Variants in ZNF43 observed in about 807,000 individuals in gnomAD.
ZNF43 encodes zinc finger protein 43.
ZNF43 carries 44 observed loss-of-function variants against 68.4 expected under a neutral mutation model. The observed-to-expected ratio is 0.64, with a 90% confidence interval of 0.51 to 0.83. The LOEUF is 0.83. Ranked by LOEUF, ZNF43 falls within the 40% of genes least tolerant of loss-of-function variation. ZNF43 has a pLI of 0.00. For synonymous variants in ZNF43, 308 were observed against 307.8 expected (o/e 1.00, Z -0.01); for missense variants, 896 against 933.2 (o/e 0.96, Z 0.52).
intron 1 of ZNF43, among the ~76,000 whole-genome samples, chr19:21,848,863 C>T (rs886580481): frequency 7.2e-6 from 1 of 139,284 alleles, no homozygotes; most frequent in Non-Finnish European, 1.5e-5. Flanking sequence ...GCTGTGTTCG[C>T]TCTGGCCCTC....
chr19:21,839,331 C>CAAAA (rs61335194), upstream of ZNF43, among the ~76,000 whole-genome samples: 275 of 28,196 alleles, frequency 9.8e-3, 22 homozygotes, highest in African/African-American at 0.019. Flanking sequence ...AGAGATCAGG[C>CAAAA]AAAAAAAAAA....
intron 3 of ZNF43, among the ~76,000 whole-genome samples, chr19:21,814,203 T>C (rs1244244046): frequency 6.6e-6 from 1 of 152,022 alleles, no homozygotes; most frequent in East Asian, 1.9e-4. Flanking sequence ...GTTTCTCTCA[T>C]ACAAAGAAAA....
chr19:21,845,688 G>A (rs1967900368), intron 1 of ZNF43, among the ~76,000 whole-genome samples: 1 of 152,058 alleles, frequency 6.6e-6, no homozygotes, highest in Non-Finnish European at 1.5e-5. Context: ...AAGGTCGGGA[G>A]TTTGTGACCA....
intron 1 of ZNF43, among the ~76,000 whole-genome samples, chr19:21,824,170 G>A (rs535935522): frequency 3.3e-4 from 51 of 152,290 alleles, no homozygotes; most frequent in African/African-American, 1.2e-3. Context: ...CAGGGCGACA[G>A]TGAGACTCTG....
At chr19:21,825,003 A>C (rs539681171) in intron 1 of ZNF43, among the ~76,000 whole-genome samples, 1 of 152,312 alleles carries the variant, frequency 6.6e-6, no homozygotes, top group Non-Finnish European at 1.5e-5. Context: ...TGGGAGGCCA[A>C]GGCAGCTGGA....
At chr19:21,837,529 A>T (rs1186347738), upstream of ZNF43, among the ~76,000 whole-genome samples, 4 of 147,880 alleles carry the variant, frequency 2.7e-5, no homozygotes, top group Admixed American at 1.4e-4. Flanking sequence ...GGTTCAAGCG[A>T]TTCTCCTGAC....
chr19:21,849,342 G>A (rs927007456), intron 1 of ZNF43, among the ~76,000 whole-genome samples: 5 of 151,878 alleles, frequency 3.3e-5, no homozygotes, highest in Admixed American at 2.0e-4. Context: ...TACAAAATTA[G>A]CCAGGCGTAG....
At chr19:21,840,571 G>T (rs139300758), upstream of ZNF43, 42 of 152,258 alleles carry the variant, frequency 2.8e-4, no homozygotes, top group African/African-American at 7.2e-4. Flanking sequence ...ACCAGCCCAC[G>T]TGTGAACCGA....
chr19:21,838,567 T>C (rs1967282296), upstream of ZNF43, among the ~76,000 whole-genome samples: 2 of 151,950 alleles, frequency 1.3e-5, no homozygotes, highest in Admixed American at 1.3e-4. Flanking sequence ...ACCTGGCTAA[T>C]TTTTGTATTT....
intron 3 of ZNF43, among the ~76,000 whole-genome samples, chr19:21,816,674 C>A (rs2037543058): frequency 6.6e-6 from 1 of 152,136 alleles, no homozygotes; most frequent in Non-Finnish European, 1.5e-5. Context: ...GCTCCCTGAG[C>A]CATGGTTTAT....
At chr19:21,832,026 A>G (rs959350236) in intron 1 of ZNF43, among the ~76,000 whole-genome samples, 1 of 152,250 alleles carries the variant, frequency 6.6e-6, no homozygotes, top group East Asian at 1.9e-4. Flanking sequence ...GGGACTAAAA[A>G]TAACTATTTT....
chr19:21,835,922 A>C, intron 1 of ZNF43, 114 bp downstream of exon 1: 1 of 1,564,404 alleles, frequency 6.4e-7, no homozygotes. Flanking sequence ...AAGGGGATTG[A>C]GGCCGAGCTG....
intron 3 of ZNF43, among the ~76,000 whole-genome samples, chr19:21,810,736 C>A (rs2037232887): frequency 6.6e-6 from 1 of 151,882 alleles, no homozygotes; most frequent in African/African-American, 2.4e-5. Context: ...TCACTTGGGG[C>A]CACAAGTTTG....
At chr19:21,817,617 T>C (rs932123037) in intron 3 of ZNF43, among the ~76,000 whole-genome samples, 2 of 152,230 alleles carry the variant, frequency 1.3e-5, no homozygotes, top group African/African-American at 4.8e-5. Context: ...AGCAGTCAGA[T>C]TGTTCAGTCT....
intron 1 of ZNF43, among the ~76,000 whole-genome samples, chr19:21,829,075 C>G (rs1483394096): frequency 7.3e-6 from 1 of 136,884 alleles, no homozygotes; most frequent in African/African-American, 2.8e-5. Context: ...ATTAGCCGGA[C>G]GTGGTGGCAC....
At chr19:21,839,331 C>CAAAAAAAA (rs61335194), upstream of ZNF43, among the ~76,000 whole-genome samples, 3 of 28,296 alleles carry the variant, frequency 1.1e-4, no homozygotes, top group African/African-American at 2.3e-4. Context: ...AGAGATCAGG[C>CAAAAAAAA]AAAAAAAAAA....
At chr19:21,822,198 A>G (rs3764576) in intron 1 of ZNF43, among the ~76,000 whole-genome samples, 5,309 of 152,320 alleles carry the variant, frequency 0.035, 172 homozygotes, top group South Asian at 0.15. Context: ...CATGGACACC[A>G]GCAATTTTTG....
chr19:21,813,625 G>A (rs2037385685), intron 3 of ZNF43, among the ~76,000 whole-genome samples: 1 of 152,120 alleles, frequency 6.6e-6, no homozygotes, highest in African/African-American at 2.4e-5. Context: ...CATAAAATCA[G>A]CAAGTAAAAC....
intron 3 of ZNF43, among the ~76,000 whole-genome samples, chr19:21,816,410 A>G (rs1368548143): frequency 2.0e-5 from 3 of 152,126 alleles, no homozygotes. Flanking sequence ...AAGATTAAGG[A>G]GTTTTCTTTT....
Sources: allele counts gnomAD v4.1 joint callset (sites outside exome capture counted in the v4.1 genomes callset), GRCh38; gene constraint gnomAD v4.1.1; transcripts MANE v1.5; gene names NCBI Gene and HGNC (gene_info 2026-07-23, HGNC 2026-07-21).